The following RPTOR variants were observed in gnomAD, a reference collection of about 807,000 sequenced individuals.
RPTOR encodes the protein regulatory-associated protein of mTOR.
Under a neutral mutation model 169.9 loss-of-function variants are expected in RPTOR, and 21 were observed. That is an observed-to-expected ratio of 0.12 (90% CI 0.09 to 0.18). The LOEUF is 0.18. RPTOR is among the 10% of genes least tolerant of loss of function. The probability of loss-of-function intolerance (pLI) is 1.00; values close to 1 mark genes in which losing one functional copy is unlikely to be tolerated. For synonymous variants in RPTOR, 732 were observed against 753.2 expected (o/e 0.97, Z 0.46); for missense variants, 1,133 against 1,855.9 (o/e 0.61, Z 7.16).
chr17:80,881,443 C>T (rs983392195), intron 14 of RPTOR, among the ~76,000 whole-genome samples: 95 of 152,342 alleles, frequency 6.2e-4, no homozygotes, highest in African/African-American at 2.1e-3. Context: ...GACTTGGGCG[C>T]GAGGGTGAGC....
At chr17:80,652,609 A>G (rs1267434312) in intron 3 of RPTOR, among the ~76,000 whole-genome samples, 1 of 152,178 alleles carries the variant, frequency 6.6e-6, no homozygotes, top group Non-Finnish European at 1.5e-5. Context: ...TAGCTGAAAA[A>G]CATTCCATTG....
At chr17:80,677,957 GT>G (rs1246529546) in intron 3 of RPTOR, among the ~76,000 whole-genome samples, 6 of 152,204 alleles carry the variant, frequency 3.9e-5, no homozygotes, top group African/African-American at 1.4e-4. Context: ...TGATGAAATG[GT>G]TGTGTCTTAG....
rs1289542921 is a variant in RPTOR, at chr17:80,744,800, TACTAGCACTGTCCTGGC to T, written c.655-9209_655-9193del. Among the ~76,000 whole-genome samples the T allele has an allele frequency of 3.5e-4, 36 of 101,564 alleles. 2 individuals are homozygous for T. Among genetic ancestry groups the T allele is most frequent in the East Asian group, 1.1e-3 (5 of 4,478 alleles). The allele number at this position is 101,564 out of a possible 152,430, so 66.6% of individuals were successfully genotyped here. A position where few individuals can be genotyped will look rare whatever the true frequency, so the allele number is the denominator to read the frequency against. ...TCCTGGCTACTAGCACAGCCCTGGC[TACTAGCACTGTCCTGGC>T]TACTAGCACAGCCCTGGTTACTAGC... On this transcript the variant is annotated intron_variant, in intron 5 of 33. Coordinates refer to ENST00000306801, the MANE Select transcript of RPTOR (RefSeq NM_020761.3).
At chr17:80,666,747 C>T (rs1268535611) in intron 3 of RPTOR, among the ~76,000 whole-genome samples, 1 of 152,158 alleles carries the variant, frequency 6.6e-6, no homozygotes, top group Non-Finnish European at 1.5e-5. Flanking sequence ...TGCAGAGCCT[C>T]GTGGGGAGAT....
At chr17:80,923,836 G>A in intron 23 of RPTOR, 163 bp downstream of exon 23, 1 of 750,738 alleles carries the variant, frequency 1.3e-6, no homozygotes, top group Non-Finnish European at 2.1e-6. Flanking sequence ...GCAGACCCGG[G>A]TGCTGGTCCT....
intron 1 of RPTOR, among the ~76,000 whole-genome samples, chr17:80,594,342 T>G (rs1855308247): frequency 6.6e-6 from 1 of 152,208 alleles, no homozygotes; most frequent in South Asian, 2.1e-4. Context: ...TCCACCCACC[T>G]TGGCCGCCCA....
chr17:80,607,246 A>G (rs896529420), intron 1 of RPTOR, among the ~76,000 whole-genome samples: 1 of 152,148 alleles, frequency 6.6e-6, no homozygotes, highest in East Asian at 1.9e-4. Flanking sequence ...GCTTTCTTCA[A>G]CCTGAAAACT....
rs1555714966 is a variant in RPTOR at position 80,567,798 on chromosome 17, T to TA, written c.162+22010dup. On this transcript the variant is annotated intron_variant, in intron 1 of 33. Transcript: ENST00000306801. ...CAGAGTGAGACTCTGTATCAAAAAA[T>TA]AAATAAAATAAATAAATAAATAAAT... is the stretch of plus-strand genomic sequence containing the variant. Among the ~76,000 whole-genome samples the TA allele has an allele frequency of 1.8e-4, 25 of 136,772 alleles. No homozygotes were observed. In the South Asian group the frequency reaches 3.4e-3, roughly 19 times the overall value. The allele number at this position is 136,772 out of a possible 152,430, so 89.7% of individuals were successfully genotyped here. A position where few individuals can be genotyped will look rare whatever the true frequency, so the allele number is the denominator to read the frequency against.
At chr17:80,897,248 A>T (rs1160346647) in intron 20 of RPTOR, among the ~76,000 whole-genome samples, 1 of 5,794 alleles carries the variant, frequency 1.7e-4, no homozygotes, top group Non-Finnish European at 3.2e-4. Context: ...ACTCCATCTC[A>T]AAAAAAAAAA....
At chr17:80,951,093 C>A (rs1287557433) in intron 28 of RPTOR, among the ~76,000 whole-genome samples, 2 of 152,002 alleles carry the variant, frequency 1.3e-5, no homozygotes, top group African/African-American at 4.8e-5. Context: ...GCCCAGCTGG[C>A]CCCGGGGTCC....
At chr17:80,825,611 T>C (rs1383882941) in intron 9 of RPTOR, among the ~76,000 whole-genome samples, 2 of 152,178 alleles carry the variant, frequency 1.3e-5, no homozygotes, top group Non-Finnish European at 2.9e-5. Flanking sequence ...TGCTTATCGG[T>C]TGCACTAGAG....
chr17:80,835,400 C>T (rs979938307), intron 9 of RPTOR, among the ~76,000 whole-genome samples: 2 of 152,034 alleles, frequency 1.3e-5, no homozygotes, highest in African/African-American at 4.8e-5. Context: ...AGAAAATTAC[C>T]CAGGAGAAGA....
At chr17:80,677,195 C>T (rs1049000186) in intron 3 of RPTOR, among the ~76,000 whole-genome samples, 2 of 152,088 alleles carry the variant, frequency 1.3e-5, no homozygotes, top group Admixed American at 1.3e-4. Flanking sequence ...TTTTAACTGC[C>T]ATGTTAACGT....
At chr17:80,868,154 A>G (rs1229813854) in intron 13 of RPTOR, among the ~76,000 whole-genome samples, 2 of 152,246 alleles carry the variant, frequency 1.3e-5, no homozygotes, top group African/African-American at 2.4e-5. Context: ...GGCAAGACAC[A>G]GACTGGGAAA....
chr17:80,815,018 A>G (rs189702212), intron 7 of RPTOR, among the ~76,000 whole-genome samples: 44 of 152,366 alleles, frequency 2.9e-4, no homozygotes, highest in African/African-American at 1.0e-3. Context: ...TGAGAATGAC[A>G]AGTCTGACAT....
At chr17:80,715,149 T>A (rs930562365) in intron 4 of RPTOR, among the ~76,000 whole-genome samples, 1 of 152,216 alleles carries the variant, frequency 6.6e-6, no homozygotes, top group African/African-American at 2.4e-5. Context: ...ACAACATAGC[T>A]AAAATGTGTT....
chr17:80,634,115 ATAC>A (rs1474558116), intron 2 of RPTOR, among the ~76,000 whole-genome samples: 5 of 120,302 alleles, frequency 4.2e-5, no homozygotes, highest in Admixed American at 3.1e-4. Flanking sequence ...GCGTGTGTGC[ATAC>A]TGTGTGTGTG....
At chr17:80,685,985 A>G (rs2316066) in intron 3 of RPTOR, among the ~76,000 whole-genome samples, 26,611 of 151,818 alleles carry the variant, frequency 0.18, 3,737 homozygotes, top group African/African-American at 0.39. Context: ...CTGGAGGGAC[A>G]TAAGCATGGT....
chr17:80,727,041 G>C (rs2066341742), intron 4 of RPTOR, among the ~76,000 whole-genome samples: 1 of 152,048 alleles, frequency 6.6e-6, no homozygotes, highest in South Asian at 2.1e-4. Flanking sequence ...CACGCTGCGA[G>C]AACGTGGGCG....
Sources: gnomAD v4.1 joint callset for allele counts (sites outside exome capture counted in the v4.1 genomes callset) on GRCh38, gnomAD v4.1.1 for gene constraint, MANE v1.5 for transcripts, NCBI Gene and HGNC (gene_info 2026-07-23, HGNC 2026-07-21) for gene names.